KIF14: variants seen among roughly 807,000 people sequenced by gnomAD.
KIF14 encodes kinesin family member 14, also known as kinesin-like protein KIF14.
Under a neutral mutation model 176.2 loss-of-function variants are expected in KIF14, and 98 were observed. The observed-to-expected ratio is 0.56, with a 90% CI of 0.47 to 0.66. The LOEUF (loss-of-function observed/expected upper bound fraction) is 0.66. KIF14 is among the 30% of genes least tolerant of loss of function. The probability of loss-of-function intolerance (pLI) is 0.00; values close to 1 mark genes in which losing one functional copy is unlikely to be tolerated. For synonymous variants in KIF14, 566 were observed against 632.2 expected, an observed-to-expected ratio of 0.90 and a Z score of 1.57; for missense variants, 1,751 against 1,920.4, an observed-to-expected ratio of 0.91 and a Z score of 1.65.
rs1660301081 is a variant in KIF14, at chr1:200,614,357, T to G, written c.1416A>C (p.Glu472Asp). 1 of 1,609,606 alleles carries G rather than the reference T, an allele frequency of 6.2e-7. No homozygotes were observed. Among genetic ancestry groups the G allele is most frequent in the African/African-American group, 1.3e-5 (1 of 74,836 alleles). ...TTCTGGCTACTTGAGAAAAAAGATC[T>G]TCACAAAATCTTGGAATTATTCCTG... is the stretch of plus-strand genomic sequence containing the variant. Reference protein sequence around the residue: ...EEPGIIPRFCEDLFSQVARKQ... With the variant: ...EEPGIIPRFCDDLFSQVARKQ... The change falls in exon 4 of 30, where the codon GAA (glutamate) becomes GAC (aspartate). Residue 472 changes from glutamate (E) to aspartate (D), a missense_variant. Transcript: ENST00000367350.
chr1:200,564,422 G>A (rs1657332166), intron 25 of KIF14, among the ~76,000 whole-genome samples: 1 of 152,114 alleles, frequency 6.6e-6, no homozygotes, highest in Admixed American at 6.6e-5. Flanking sequence ...CCTGGATCCT[G>A]AGGACTCTGT....
chr1:200,617,968 T>C lies in KIF14; in HGVS notation c.756A>G (p.Gly252=), dbSNP rs1279223698. The change falls in exon 2 of 30, where the codon GGA becomes GGG. Residue 252 remains glycine, a synonymous_variant. Transcript: ENST00000367350. ...SKLDIKVLGT[G]NLYHRSIGKE... is the part of the protein sequence containing the mutation. ...TCCCAATACTTCTATGATACAAGTT[T>C]CCTGTTCCCAACACTTTGATATCCA... 2 of 1,613,938 alleles carry C rather than the reference T, an allele frequency of 1.2e-6. No homozygotes were observed. The highest frequency in any genetic ancestry group is 1.7e-6 in the Non-Finnish European group (2 of 1,180,008).
rs138251137 is a variant in KIF14 at position 200,555,435 on chromosome 1, G to A, written c.4373C>T (p.Thr1458Ile). The change falls in exon 28 of 30, where the codon ACT (threonine) becomes ATT (isoleucine). Residue 1458 changes from threonine (T) to isoleucine (I), a missense_variant. Thr to Ile is a moderately conservative substitution (Grantham distance 89). Coordinates refer to ENST00000367350, the MANE Select transcript of KIF14 (RefSeq NM_014875.3). ...AGATCTAATCAATCCCATGGCATTA[G>A]TTTTCATTTCTTTGGTAACCTATAG... The part of the protein sequence containing the change: ...TKNEVTKEMK[T>I]NAMGLIRSLE... 3.2e-6 allele frequency: 5 copies of A among 1,568,818 alleles called. No individual in the cohort carries two copies. In the African/African-American group the frequency reaches 6.9e-5, roughly 22 times the overall value.
chr1:200,552,656 C>T lies in KIF14; in HGVS notation c.*732G>A, dbSNP rs1040429749. On this transcript the variant is annotated 3_prime_UTR_variant, in exon 30 of 30. Coordinates refer to ENST00000367350, the MANE Select transcript of KIF14 (RefSeq NM_014875.3). Reference sequence around the variant, plus strand: ...AGAAACAGGAAGCTACACCCTTGAACATACTATTCAAAATGGCAACCAGTT... The same window carrying T: ...AGAAACAGGAAGCTACACCCTTGAATATACTATTCAAAATGGCAACCAGTT... The T allele has an allele frequency of 6.6e-6, 1 of 151,996 alleles. No homozygotes were observed. Among genetic ancestry groups the T allele is most frequent in the African/African-American group, 2.4e-5 (1 of 41,412 alleles). 9.4% of individuals were successfully genotyped at this position (151,996 alleles called of 1,614,324 possible).
intron 17 of KIF14, 119 bp from the exon 18 acceptor site, chr1:200,589,488 A>T: frequency 1.3e-6 from 1 of 771,486 alleles, no homozygotes; most frequent in Non-Finnish European, 2.0e-6. Flanking sequence ...TGCCCTATTA[A>T]AGCTTCTCCA....
In KIF14 at chr1:200,565,640, AG is replaced by A; in HGVS notation, c.3690del (p.Ser1231GlnfsTer15). ...SGLMDKSSTI[Y>X]SNSAESFLPG... ...GGAAGAAAGGACTCTGCTGAATTTG[AG>A]TAAATAGTGCTTGATTTGTCCATTA... On this transcript the variant is annotated frameshift_variant, in exon 24 of 30. Coordinates refer to ENST00000367350, the MANE Select transcript of KIF14 (RefSeq NM_014875.3). LOFTEE classifies it high-confidence loss of function. 1.2e-6 allele frequency: 2 copies of A among 1,602,962 alleles called. No individual in the cohort carries two copies. Among genetic ancestry groups the A allele is most frequent in the Non-Finnish European group, 1.7e-6 (2 of 1,177,638 alleles).
chr1:200,566,211 A>C (rs549268088), intron 23 of KIF14, among the ~76,000 whole-genome samples: 1 of 152,190 alleles, frequency 6.6e-6, no homozygotes, highest in Non-Finnish European at 1.5e-5. Context: ...GAGAATCCAA[A>C]TATCCCACGT....
chr1:200,555,241 T>A (rs1656770747), intron 28 of KIF14, 139 bp downstream of exon 28: 1 of 581,416 alleles, frequency 1.7e-6, no homozygotes, highest in Non-Finnish European at 3.0e-6. Context: ...CAAAGAGCTA[T>A]CTTACATGCT....
At chr1:200,584,869 G>C (rs1412507548) in intron 19 of KIF14, among the ~76,000 whole-genome samples, 3 of 152,096 alleles carry the variant, frequency 2.0e-5, no homozygotes, top group African/African-American at 7.2e-5. Context: ...GCAAGAAAAA[G>C]AGATAAAAGG....
chr1:200,557,128 T>G (rs532799736), intron 27 of KIF14, among the ~76,000 whole-genome samples: 192 of 152,300 alleles, frequency 1.3e-3, no homozygotes, highest in African/African-American at 4.1e-3. Context: ...CTCAGCCTCC[T>G]GAGTAGCTGG....
intron 2 of KIF14, 135 bp from the exon 3 acceptor site, chr1:200,615,744 A>G: frequency 1.3e-6 from 1 of 777,628 alleles, no homozygotes; most frequent in Non-Finnish European, 1.9e-6. Flanking sequence ...TTATGTGGAA[A>G]ATGCAGATAA....
rs777989202 is a variant in KIF14 at position 200,565,687 on chromosome 1, A to G, written c.3662-18T>C. 1.4e-6 allele frequency: 2 copies of G among 1,479,158 alleles called. No homozygotes were observed. The highest frequency in any genetic ancestry group is 2.3e-5 in the East Asian group (1 of 43,688). The allele number at this position is 1,479,158 out of a possible 1,614,324, so 91.6% of individuals were successfully genotyped here. ...CATTAAACCTACATCAACAGAAAAT[A>G]GCCATTTTAAGCTTGTTTTCAGGAA... On this transcript the variant is annotated intron_variant, in intron 23 of 29. Transcript: ENST00000367350.
At chr1:200,563,666 A>G (rs1657283485) in intron 25 of KIF14, among the ~76,000 whole-genome samples, 1 of 152,150 alleles carries the variant, frequency 6.6e-6, no homozygotes, top group African/African-American at 2.4e-5. Flanking sequence ...CCAAAGTCCT[A>G]GTATTATAGG....
At chr1:200,592,730 ACT>A (rs1659119012) in intron 15 of KIF14, among the ~76,000 whole-genome samples, 1 of 152,222 alleles carries the variant, frequency 6.6e-6, no homozygotes, top group African/African-American at 2.4e-5. Flanking sequence ...TGAGAAGTAC[ACT>A]GTTAGGTGAT....
chr1:200,591,039 A>C (rs563404210), intron 16 of KIF14, among the ~76,000 whole-genome samples: 1 of 152,238 alleles, frequency 6.6e-6, no homozygotes, highest in Non-Finnish European at 1.5e-5. Flanking sequence ...AAAAAAACCA[A>C]AAAACAAACA....
At chr1:200,596,459 A>G (rs1016508963) in intron 14 of KIF14, among the ~76,000 whole-genome samples, 4 of 152,126 alleles carry the variant, frequency 2.6e-5, no homozygotes, top group Admixed American at 2.6e-4. Context: ...ATTCACACCA[A>G]ATAAAAAATT....
At chr1:200,598,200 C>G in intron 14 of KIF14, 37 bp downstream of exon 14, 1 of 1,556,282 alleles carries the variant, frequency 6.4e-7, no homozygotes, top group Non-Finnish European at 8.8e-7. Flanking sequence ...AGATATAGAA[C>G]AGGTGCCTTT....
In KIF14 at chr1:200,558,243, C is replaced by A. The variant is rs552582996; in HGVS notation, c.4353+1087G>T. Among the ~76,000 whole-genome samples, 34 of 152,292 alleles carry A rather than the reference C, an allele frequency of 2.2e-4. No homozygotes were observed. The Middle Eastern group carries it at 0.024, about 107-fold the overall frequency. On this transcript the variant is annotated intron_variant, in intron 27 of 29. Coordinates refer to ENST00000367350, the MANE Select transcript of KIF14 (RefSeq NM_014875.3). ...GTGCTGGGATTACAGGCATGAGCTA[C>A]CATCCCTGGCCAAGGATGGTTTTAA... is the stretch of plus-strand genomic sequence containing the variant.
intron 21 of KIF14, 89 bp downstream of exon 21, chr1:200,580,165 T>A (rs1658363732): frequency 4.5e-6 from 3 of 664,572 alleles, no homozygotes; most frequent in Non-Finnish European, 6.5e-6. Context: ...CACTTTTATA[T>A]ATATACTTTT....
Sources: gnomAD v4.1 joint callset for allele counts (sites outside exome capture counted in the v4.1 genomes callset) on GRCh38, gnomAD v4.1.1 for gene constraint, MANE v1.5 for transcripts, NCBI Gene and HGNC (gene_info 2026-07-23, HGNC 2026-07-21) for gene names.